The following ALPL variants were observed in gnomAD, a reference collection of about 807,000 sequenced individuals.
The protein encoded by ALPL is alkaline phosphatase, tissue-nonspecific isozyme.
ALPL carries 42 observed loss-of-function variants against 51.3 expected under a neutral mutation model. The ratio of observed to expected loss-of-function variants is 0.82; its 90% CI spans 0.64 to 1.06. ALPL has a LOEUF of 1.06. Among genes scored for constraint, ALPL ranks in the 50% least tolerant of loss-of-function variants. ALPL has a pLI of 0.00. For missense variants in ALPL, 589 were observed against 709.4 expected, an observed-to-expected ratio of 0.83 and a Z score of 1.93; for synonymous variants, 279 against 296.4, an observed-to-expected ratio of 0.94 and a Z score of 0.60.
intron 1 of ALPL, among the ~76,000 whole-genome samples, chr1:21,520,441 G>C (rs539824187): frequency 1.4e-5 from 2 of 144,072 alleles, no homozygotes; most frequent in Non-Finnish European, 3.1e-5. Context: ...ATATTTTTCA[G>C]TTTTTAAAGC....
intron 2 of ALPL, among the ~76,000 whole-genome samples, chr1:21,554,620 A>G (rs1644375328): frequency 6.6e-6 from 1 of 150,958 alleles, no homozygotes; most frequent in Admixed American, 6.6e-5. Context: ...CCTCCCAAGT[A>G]GCTGGGACTA....
intron 1 of ALPL, among the ~76,000 whole-genome samples, chr1:21,534,173 G>A (rs761425158): frequency 1.3e-5 from 2 of 152,102 alleles, no homozygotes; most frequent in Non-Finnish European, 2.9e-5. Flanking sequence ...ACAGGATTTC[G>A]CCATGTTCCC....
intron 4 of ALPL, among the ~76,000 whole-genome samples, chr1:21,561,569 C>G (rs1049951225): frequency 6.6e-6 from 1 of 152,072 alleles, no homozygotes; most frequent in African/African-American, 2.4e-5. Context: ...AGAGACCCCC[C>G]CAAGGTCTCT....
chr1:21,536,891 CTTTTT>C (rs10534586), intron 1 of ALPL, among the ~76,000 whole-genome samples: 28 of 79,370 alleles, frequency 3.5e-4, no homozygotes, highest in Non-Finnish European at 5.8e-4. Flanking sequence ...GGTTCCTTCC[CTTTTT>C]TTTTTTTTTT....
intron 6 of ALPL, among the ~76,000 whole-genome samples, chr1:21,565,828 TAA>T (rs941869657): frequency 2.2e-5 from 3 of 138,354 alleles, no homozygotes; most frequent in Non-Finnish European, 4.7e-5. Context: ...TACTGTTGCT[TAA>T]AAAAAAAAAA....
intron 1 of ALPL, among the ~76,000 whole-genome samples, chr1:21,530,021 C>G (rs563946523): frequency 6.6e-6 from 1 of 152,124 alleles, no homozygotes; most frequent in African/African-American, 2.4e-5. Context: ...GTAATCCACC[C>G]GCCTTGGCTT....
chr1:21,545,275 TTTTTTG>T (rs564619128), intron 1 of ALPL, among the ~76,000 whole-genome samples: 7 of 145,300 alleles, frequency 4.8e-5, no homozygotes, highest in African/African-American at 8.0e-5. Context: ...TTTTGGGGGT[TTTTTTG>T]TTTTTGTTTT....
intron 2 of ALPL, among the ~76,000 whole-genome samples, 177 bp from the exon 3 acceptor site, chr1:21,560,449 A>G (rs1436995229): frequency 6.6e-6 from 1 of 152,054 alleles, no homozygotes; most frequent in Admixed American, 6.5e-5. Context: ...GCTTTTCTGG[A>G]GGATCTGGAT....
chr1:21,530,954 A>ATTTTTTTT (rs34079543), intron 1 of ALPL, among the ~76,000 whole-genome samples: 8 of 103,988 alleles, frequency 7.7e-5, no homozygotes, highest in Non-Finnish European at 1.3e-4. Flanking sequence ...ATCATTTTTG[A>ATTTTTTTT]TTTTTTTTTT....
intron 9 of ALPL, 49 bp from the exon 10 acceptor site, chr1:21,575,684 A>G (rs1164546952): frequency 1.3e-6 from 2 of 1,599,228 alleles, no homozygotes; most frequent in African/African-American, 2.7e-5. Context: ...TGGGGAGCAG[A>G]TCTTCCTCCC....
At chr1:21,519,987 G>A (rs1643867490) in intron 1 of ALPL, among the ~76,000 whole-genome samples, 1 of 152,152 alleles carries the variant, frequency 6.6e-6, no homozygotes, top group South Asian at 2.1e-4. Context: ...AGCAGAGGCA[G>A]GGGTTGTGCT....
At chr1:21,571,998 AAAG>A (rs1644657522) in intron 8 of ALPL, among the ~76,000 whole-genome samples, 1 of 152,060 alleles carries the variant, frequency 6.6e-6, no homozygotes, top group African/African-American at 2.4e-5. Context: ...ATCTTAAAAA[AAAG>A]AAAGAAAGAA....
chr1:21,546,848 G>A (rs1167307811), intron 1 of ALPL, among the ~76,000 whole-genome samples: 6 of 152,220 alleles, frequency 3.9e-5, no homozygotes, highest in East Asian at 1.9e-4. Context: ...AGAGCAGTTC[G>A]TCTTCTTCTG....
intron 1 of ALPL, among the ~76,000 whole-genome samples, chr1:21,535,231 G>A (rs1026547418): frequency 3.3e-5 from 5 of 152,216 alleles, no homozygotes; most frequent in Admixed American, 1.3e-4. Context: ...TTGGGGTGAC[G>A]AGGTCTCCCA....
chr1:21,543,959 C>G (rs907847873), intron 1 of ALPL, among the ~76,000 whole-genome samples: 1 of 152,174 alleles, frequency 6.6e-6, no homozygotes, highest in African/African-American at 2.4e-5. Context: ...GGGGAAGGCC[C>G]CCGGCTGAGC....
intron 1 of ALPL, among the ~76,000 whole-genome samples, chr1:21,521,515 G>T (rs968015366): frequency 3.9e-5 from 6 of 152,232 alleles, no homozygotes; most frequent in Admixed American, 1.3e-4. Context: ...CTCGGCAAGG[G>T]TTTCCACAGC....
At chr1:21,576,689 G>A (rs1570307996) in intron 11 of ALPL, 48 bp downstream of exon 11, 1 of 1,610,748 alleles carries the variant, frequency 6.2e-7, no homozygotes, top group South Asian at 1.1e-5. Flanking sequence ...GCACCCCTCG[G>A]GGATGGGCTT....
chr1:21,515,634 C>A (rs1643781061), intron 1 of ALPL, among the ~76,000 whole-genome samples: 1 of 152,210 alleles, frequency 6.6e-6, no homozygotes, highest in South Asian at 2.1e-4. Context: ...GGTGATCCAC[C>A]CTCCTCGGCC....
chr1:21,563,335 G>A, intron 5 of ALPL, 51 bp downstream of exon 5: 1 of 1,562,402 alleles, frequency 6.4e-7, no homozygotes, highest in Non-Finnish European at 8.7e-7. Flanking sequence ...GCCTGTCCAG[G>A]CCTCAGTCTT....
Sources: allele counts gnomAD v4.1 joint callset (sites outside exome capture counted in the v4.1 genomes callset), GRCh38; gene constraint gnomAD v4.1.1; transcripts MANE v1.5; gene names NCBI Gene and HGNC (gene_info 2026-07-23, HGNC 2026-07-21).